SGCZ: variants seen among roughly 807,000 people sequenced by gnomAD.
SGCZ encodes the protein sarcoglycan zeta, also known as zeta-sarcoglycan.
In SGCZ, 40 loss-of-function variants were observed where a neutral mutation model predicts 41.3. The observed-to-expected ratio is 0.97, with a 90% CI of 0.75 to 1.26. SGCZ has a LOEUF of 1.26. Ranked by LOEUF, SGCZ falls within the 50% of genes most tolerant of loss-of-function variation. SGCZ has a pLI of 0.00. For synonymous variants in SGCZ, 206 were observed against 137.5 expected (o/e 1.50, Z -3.49); for missense variants, 552 against 369.8 (o/e 1.49, Z -4.04).
intron 1 of SGCZ, among the ~76,000 whole-genome samples, chr8:14,664,951 C>T (rs941227420): frequency 2.0e-5 from 3 of 152,086 alleles, no homozygotes; most frequent in African/African-American, 7.2e-5. Context: ...ACTAGGTGAT[C>T]CTGGTCAAGC....
chr8:14,359,204 A>T (rs1803413800), intron 2 of SGCZ, among the ~76,000 whole-genome samples: 1 of 152,166 alleles, frequency 6.6e-6, no homozygotes, highest in African/African-American at 2.4e-5. Context: ...CCCAAAAGTC[A>T]AGGATAAAGA....
At chr8:14,147,704 A>G (rs760288960) in intron 5 of SGCZ, among the ~76,000 whole-genome samples, 9 of 152,182 alleles carry the variant, frequency 5.9e-5, no homozygotes, top group Non-Finnish European at 8.8e-5. Flanking sequence ...TACAGACCAA[A>G]TGGATATAAC....
intron 2 of SGCZ, among the ~76,000 whole-genome samples, chr8:14,520,428 A>C (rs1307366805): frequency 6.6e-6 from 1 of 152,114 alleles, no homozygotes; most frequent in East Asian, 1.9e-4. Flanking sequence ...ATTAAAATTT[A>C]ATTTGGACAG....
At chr8:14,270,599 C>G (rs1800025061) in intron 3 of SGCZ, among the ~76,000 whole-genome samples, 1 of 152,072 alleles carries the variant, frequency 6.6e-6, no homozygotes, top group Admixed American at 6.5e-5. Context: ...GCTATAACAG[C>G]TAAGATTGGG....
intron 2 of SGCZ, among the ~76,000 whole-genome samples, chr8:14,522,084 T>C (rs1044393406): frequency 1.3e-5 from 2 of 152,156 alleles, no homozygotes; most frequent in Non-Finnish European, 2.9e-5. Context: ...TTTTCAAATA[T>C]TGAACCAGTT....
chr8:14,329,365 T>C (rs541278508), intron 2 of SGCZ, among the ~76,000 whole-genome samples: 1 of 152,338 alleles, frequency 6.6e-6, no homozygotes, highest in South Asian at 2.1e-4. Context: ...TTGGACCTGG[T>C]ATATTTTTAA....
chr8:14,086,577 C>T lies in SGCZ; in HGVS notation c.*3866G>A, dbSNP rs1485528. On this transcript the variant is annotated 3_prime_UTR_variant, in exon 8 of 8. Coordinates refer to ENST00000382080, the MANE Select transcript of SGCZ (RefSeq NM_139167.4). ...ATGGAGGTAATAATCACAGAATGTTCATATTTGGTTAATATTTCTATTAAT... is the reference window on the plus strand; with the variant it reads ...ATGGAGGTAATAATCACAGAATGTTTATATTTGGTTAATATTTCTATTAAT... Among the ~76,000 whole-genome samples, 31,684 of 151,528 alleles carry T rather than the reference C, an allele frequency of 0.21. 4,268 individuals carry two copies. The highest frequency in any genetic ancestry group is 0.29 in the Non-Finnish European group (19,843 of 67,606).
At chr8:14,962,267 T>C (rs1208709589) in intron 1 of SGCZ, among the ~76,000 whole-genome samples, 4 of 152,120 alleles carry the variant, frequency 2.6e-5, no homozygotes, top group African/African-American at 7.2e-5. Flanking sequence ...TATATATTTT[T>C]ATTCCTTAAT....
intron 2 of SGCZ, among the ~76,000 whole-genome samples, chr8:14,505,270 G>C (rs1802271746): frequency 6.6e-6 from 1 of 152,138 alleles, no homozygotes; most frequent in South Asian, 2.1e-4. Flanking sequence ...GTGTATATGT[G>C]TTTGAATGTG....
intron 1 of SGCZ, among the ~76,000 whole-genome samples, chr8:15,057,971 G>A (rs1045698800): frequency 7.9e-5 from 12 of 152,176 alleles, no homozygotes; most frequent in African/African-American, 1.9e-4. Flanking sequence ...CTTACATTCC[G>A]GTGCAGCAAG....
At chr8:14,676,944 A>C (rs973093333) in intron 1 of SGCZ, among the ~76,000 whole-genome samples, 1 of 152,208 alleles carries the variant, frequency 6.6e-6, no homozygotes, top group Non-Finnish European at 1.5e-5. Flanking sequence ...TTTCAACATC[A>C]TACTGTAAAT....
At chr8:14,834,671 A>G (rs888965929) in intron 1 of SGCZ, among the ~76,000 whole-genome samples, 2 of 152,194 alleles carry the variant, frequency 1.3e-5, no homozygotes, top group African/African-American at 4.8e-5. Context: ...TTTCTGCTCA[A>G]ATTTTGCTGG....
At chr8:14,433,664 C>G (rs1178109876) in intron 2 of SGCZ, among the ~76,000 whole-genome samples, 1 of 152,166 alleles carries the variant, frequency 6.6e-6, no homozygotes, top group African/African-American at 2.4e-5. Flanking sequence ...AAAGGTGCAG[C>G]TTGTTGCCAA....
chr8:15,159,752 A>ACC lies in SGCZ; in HGVS notation c.39+77831_39+77832dup, dbSNP rs1242958719. Among the ~76,000 whole-genome samples the ACC allele has an allele frequency of 3.3e-4, 9 of 26,968 alleles. 1 individual carries two copies. Among genetic ancestry groups the ACC allele is most frequent in the Non-Finnish European group, 3.0e-4 (4 of 13,538 alleles). The allele number at this position is 26,968 out of a possible 152,430, so 17.7% of individuals were successfully genotyped here. On this transcript the variant is annotated intron_variant, in intron 1 of 7. Transcript: ENST00000382080. ...CCCCGCCCCCCCCACCCTCCCCCCCACCCCCGCCACACACACACAGATGGT... is the reference window on the plus strand; with the variant it reads ...CCCCGCCCCCCCCACCCTCCCCCCCACCCCCCCGCCACACACACACAGATGGT...
chr8:14,507,302 C>T (rs1319924241), intron 2 of SGCZ, among the ~76,000 whole-genome samples: 1 of 152,136 alleles, frequency 6.6e-6, no homozygotes, highest in African/African-American at 2.4e-5. Context: ...TTCTCCATCC[C>T]AAGCATTCCA....
At chr8:14,790,653 T>C (rs2130467093) in intron 1 of SGCZ, among the ~76,000 whole-genome samples, 1 of 152,260 alleles carries the variant, frequency 6.6e-6, no homozygotes, top group South Asian at 2.1e-4. Context: ...GTAATAAGAT[T>C]GATTCCAGTA....
chr8:14,750,616 T>C lies in SGCZ; in HGVS notation c.40-195690A>G, dbSNP rs560945649. On this transcript the variant is annotated intron_variant, in intron 1 of 7. Transcript: ENST00000382080. ...TGATATGGTGTTTTTTTAAAGCCTT[T>C]AAAACACATTAAACATGAAAGAAGA... is the stretch of plus-strand genomic sequence containing the variant. Among the ~76,000 whole-genome samples the C allele has an allele frequency of 1.6e-4, 25 of 152,202 alleles. 1 individual carries two copies. Among genetic ancestry groups the C allele is most frequent in the Admixed American group, 1.4e-3 (21 of 15,282 alleles).
Position 14,863,765 on chromosome 8 carries a change from G to C in SGCZ, c.40-308839C>G, listed in dbSNP as rs1386827278. Among the ~76,000 whole-genome samples the C allele has an allele frequency of 2.0e-5, 3 of 152,162 alleles. No homozygotes were observed. The East Asian group carries it at 5.8e-4, about 29-fold the overall frequency. ...CAGAATGGAGTTACTGCCTATCTCA[G>C]TGACATGGCTAAGTAGATGAAATTA... On this transcript the variant is annotated intron_variant, in intron 1 of 7. Transcript: ENST00000382080.
chr8:14,374,634 A>G (rs1403315077), intron 2 of SGCZ, among the ~76,000 whole-genome samples: 1 of 152,204 alleles, frequency 6.6e-6, no homozygotes, highest in East Asian at 1.9e-4. Flanking sequence ...GGCCATAAAT[A>G]CATAGGGAGG....
Sources: gnomAD v4.1 joint callset for allele counts (sites outside exome capture counted in the v4.1 genomes callset) on GRCh38, gnomAD v4.1.1 for gene constraint, MANE v1.5 for transcripts, NCBI Gene and HGNC (gene_info 2026-07-23, HGNC 2026-07-21) for gene names.